Variants in WDR72 observed in about 807,000 individuals in gnomAD.
The protein encoded by WDR72 is WD repeat-containing protein 72.
In WDR72, 120 loss-of-function variants were observed where a neutral mutation model predicts 124.2. The observed-to-expected ratio is 0.97, with a 90% CI of 0.83 to 1.12. The LOEUF (loss-of-function observed/expected upper bound fraction) is 1.12. Among genes scored for constraint, WDR72 ranks in the 50% most tolerant of loss-of-function variants. WDR72 has a pLI of 0.00. For synonymous variants in WDR72, 452 were observed against 441.7 expected, an observed-to-expected ratio of 1.02 and a Z score of -0.29; for missense variants, 1,387 against 1,278.8, an observed-to-expected ratio of 1.08 and a Z score of -1.29.
At chr15:53,564,874 A>C (rs1894240026) in intron 18 of WDR72, among the ~76,000 whole-genome samples, 1 of 151,852 alleles carries the variant, frequency 6.6e-6, no homozygotes, top group African/African-American at 2.4e-5. Flanking sequence ...CCACCCAAAA[A>C]TGAAAATGCT....
chr15:53,641,476 T>A (rs893586625), intron 14 of WDR72, among the ~76,000 whole-genome samples: 3 of 152,074 alleles, frequency 2.0e-5, no homozygotes, highest in Non-Finnish European at 2.9e-5. Context: ...AATTCACATA[T>A]TTGTTTTTCA....
intron 17 of WDR72, among the ~76,000 whole-genome samples, chr15:53,601,202 A>G (rs553790549): frequency 6.6e-6 from 1 of 152,290 alleles, no homozygotes; most frequent in East Asian, 1.9e-4. Context: ...GGGGGACAAT[A>G]TTCAAAATTC....
In WDR72 at chr15:53,615,745, T is replaced by A; in HGVS notation, c.2461A>T (p.Ile821Phe). 1 of 1,613,504 alleles carries A rather than the reference T, an allele frequency of 6.2e-7. No individual in the cohort carries two copies. The highest frequency in any genetic ancestry group is 1.3e-5 in the African/African-American group (1 of 74,998). ...LDYLCIKHLNILKLQGPISLG... is the reference protein window; with the variant it reads ...LDYLCIKHLNFLKLQGPISLG... ...GAAATAGGACCCTGAAGCTTTAAAA[T>A]ATTGAGGTGCTTAATGCAAAGATAA... The change falls in exon 15 of 20, where the codon ATT (isoleucine) becomes TTT (phenylalanine). Residue 821 changes from isoleucine to phenylalanine, a missense_variant. Transcript: ENST00000360509.
intron 12 of WDR72, among the ~76,000 whole-genome samples, chr15:53,701,880 T>C (rs1440304593): frequency 6.6e-6 from 1 of 152,154 alleles, no homozygotes; most frequent in African/African-American, 2.4e-5. Flanking sequence ...TAAGTGGTTG[T>C]TGTAAAGCTA....
intron 18 of WDR72, among the ~76,000 whole-genome samples, chr15:53,538,977 G>A (rs1201902164): frequency 2.6e-5 from 4 of 151,984 alleles, no homozygotes; most frequent in Admixed American, 2.6e-4. Flanking sequence ...CTATATTTGA[G>A]CAAATTTCAA....
intron 18 of WDR72, among the ~76,000 whole-genome samples, chr15:53,588,864 G>A (rs1249938086): frequency 1.3e-5 from 2 of 151,858 alleles, no homozygotes; most frequent in African/African-American, 4.8e-5. Context: ...CATTAGTGGA[G>A]GCTGACCCAA....
intron 1 of WDR72, among the ~76,000 whole-genome samples, chr15:53,750,665 G>T (rs2140894699): frequency 6.6e-6 from 1 of 152,272 alleles, no homozygotes; most frequent in African/African-American, 2.4e-5. Context: ...CACCACTTTA[G>T]GTGCCTTGAG....
At chr15:53,530,957 C>T (rs1892424339) in intron 18 of WDR72, among the ~76,000 whole-genome samples, 1 of 152,026 alleles carries the variant, frequency 6.6e-6, no homozygotes, top group Admixed American at 6.6e-5. Flanking sequence ...TCTCAAATTC[C>T]CAGCTGACAG....
intron 18 of WDR72, among the ~76,000 whole-genome samples, chr15:53,537,048 T>C (rs1892801459): frequency 2.6e-5 from 4 of 152,316 alleles, no homozygotes; most frequent in Middle Eastern, 3.4e-3. Context: ...AACAGTGTAA[T>C]TGCGGGTTAC....
In WDR72 at chr15:53,706,060, G is replaced by A. The variant is rs757694859; in HGVS notation, c.969C>T (p.Pro323=). The change falls in exon 10 of 20, where the codon CCC becomes CCT. Residue 323 remains proline (P), a synonymous_variant. Coordinates refer to ENST00000360509, the MANE Select transcript of WDR72 (RefSeq NM_182758.4). ...SVQENKEQSR[P]FVMGYMNERK... is the part of the protein sequence containing the mutation. ...TTTCATTCATGTAGCCCATAACAAA[G>A]GGACGGCTCTGTTCCTAAACAAAAA... 1 of 1,613,894 alleles carries A rather than the reference G, an allele frequency of 6.2e-7. No homozygotes were observed. Among genetic ancestry groups the A allele is most frequent in the East Asian group, 2.2e-5 (1 of 44,842 alleles).
At chr15:53,547,290 G>A (rs1003014992) in intron 18 of WDR72, among the ~76,000 whole-genome samples, 1 of 152,146 alleles carries the variant, frequency 6.6e-6, no homozygotes, top group Non-Finnish European at 1.5e-5. Flanking sequence ...GTGCCACCAC[G>A]CCTGGCTAAT....
intron 18 of WDR72, among the ~76,000 whole-genome samples, chr15:53,553,805 G>T (rs1595756841): frequency 6.6e-6 from 1 of 152,106 alleles, no homozygotes; most frequent in Non-Finnish European, 1.5e-5. Context: ...ATAGTAATTA[G>T]TTTAAATGTT....
chr15:53,686,917 C>T (rs1401273422), intron 13 of WDR72, among the ~76,000 whole-genome samples: 1 of 151,756 alleles, frequency 6.6e-6, no homozygotes, highest in Non-Finnish European at 1.5e-5. Context: ...TCACTCAAAA[C>T]CACTCAAATA....
At chr15:53,565,450 AGAG>A (rs1389037825) in intron 18 of WDR72, among the ~76,000 whole-genome samples, 1 of 151,902 alleles carries the variant, frequency 6.6e-6, no homozygotes, top group Non-Finnish European at 1.5e-5. Flanking sequence ...GTGTCTTTCC[AGAG>A]ATGTTAAATG....
intron 17 of WDR72, among the ~76,000 whole-genome samples, chr15:53,597,851 G>A (rs562939430): frequency 2.4e-3 from 369 of 152,190 alleles, no homozygotes; most frequent in African/African-American, 8.1e-3. Context: ...CCTATGGTTC[G>A]AAGGGCGGGG....
At chr15:53,713,401 TTA>T (rs1458764571) in intron 6 of WDR72, among the ~76,000 whole-genome samples, 2 of 145,824 alleles carry the variant, frequency 1.4e-5, no homozygotes, top group Non-Finnish European at 3.0e-5. Context: ...TTATTTTATT[TTA>T]TTTTGTTGTA....
chr15:53,644,794 G>C (rs910426333), intron 14 of WDR72, among the ~76,000 whole-genome samples: 1 of 152,014 alleles, frequency 6.6e-6, no homozygotes, highest in Non-Finnish European at 1.5e-5. Flanking sequence ...AGAAGACAAA[G>C]GAGAAAGCCT....
intron 18 of WDR72, among the ~76,000 whole-genome samples, chr15:53,560,934 A>T (rs1894103053): frequency 6.6e-6 from 1 of 151,840 alleles, no homozygotes; most frequent in African/African-American, 2.4e-5. Context: ...TTTTAAAAAC[A>T]TTATATTCTT....
chr15:53,750,350 T>C (rs1009864435), intron 1 of WDR72, among the ~76,000 whole-genome samples: 2 of 152,184 alleles, frequency 1.3e-5, no homozygotes, highest in Non-Finnish European at 2.9e-5. Context: ...CAGAATAGTT[T>C]ACTGAGTATT....
Sources: gnomAD v4.1 joint callset for allele counts (sites outside exome capture counted in the v4.1 genomes callset) on GRCh38, gnomAD v4.1.1 for gene constraint, MANE v1.5 for transcripts, NCBI Gene and HGNC (gene_info 2026-07-23, HGNC 2026-07-21) for gene names.